The following CARM1 variants were observed in gnomAD, a reference collection of about 807,000 sequenced individuals.
CARM1 encodes coactivator associated arginine methyltransferase 1.
Under a neutral mutation model 72.7 loss-of-function variants are expected in CARM1, and 14 were observed. The observed-to-expected ratio is 0.19, with a 90% CI of 0.13 to 0.30. The LOEUF is 0.30. Ranked by LOEUF, CARM1 falls within the 10% of genes least tolerant of loss-of-function variation. The probability of loss-of-function intolerance (pLI) is 1.00; values close to 1 mark genes in which losing one functional copy is unlikely to be tolerated. For missense variants in CARM1, 432 were observed against 833.7 expected (o/e 0.52, Z 5.93); for synonymous variants, 333 against 345.5 (o/e 0.96, Z 0.40).
chr19:10,909,325 A>G, intron 4 of CARM1, 118 bp downstream of exon 4: 1 of 641,990 alleles, frequency 1.6e-6, no homozygotes, highest in Non-Finnish European at 2.7e-6. Flanking sequence ...CAGTTACTGC[A>G]GAGGCTGAGG....
rs1349303398 is a variant in CARM1 at position 10,871,776 on chromosome 19, C to G, written c.74C>G (p.Pro25Arg). The G allele has an allele frequency of 1.1e-5, 13 of 1,165,556 alleles. No homozygotes were observed. The highest frequency in any genetic ancestry group is 3.4e-5 in the South Asian group (1 of 29,786). 72.2% of individuals were successfully genotyped at this position (1,165,556 alleles called of 1,614,324 possible). The change falls in exon 1 of 16, where the codon CCC (proline) becomes CGC (arginine). Residue 25 changes from proline to arginine, a missense_variant. Pro to Arg is a moderately radical substitution (Grantham distance 103). Coordinates refer to ENST00000327064, the MANE Select transcript of CARM1 (RefSeq NM_199141.2). The surrounding 1 kb of genome is among the most constrained non-coding windows in gnomAD (Gnocchi z 5.6). ...TCGGCGGTCCCGGGCGGCGCGGGGC[C>G]CTGCGCTACCGTGTCGGTGTTCCCC... ...AGSAVPGGAG[P>R]CATVSVFPGA... is the part of the protein sequence containing the mutation.
At position 10,921,743 on chromosome 19, in the gene CARM1, C is replaced by A; in HGVS notation, c.1813C>A (p.His605Asn). Residue 605 changes from histidine (H) to asparagine (N), a missense_variant, in exon 16 of 16, where the codon CAC becomes AAC. By Grantham distance (68) the His-to-Asn change is moderately conservative. This residue lies in a region of CARM1 where 142 missense variants were observed against 188.7 expected (regional missense o/e 0.75). Transcript: ENST00000327064. ...SPMSIPTNTM[H>N]YGS ...CATGTCCATCCCGACCAACACCATG[C>A]ACTACGGGAGCTAGGGGCCCGCCCC... 6.2e-7 allele frequency: 1 copy of A among 1,606,930 alleles called. No individual in the cohort carries two copies. The highest frequency in any genetic ancestry group is 8.5e-7 in the Non-Finnish European group (1 of 1,175,538).
At chr19:10,917,476 CA>C (rs956842320) in intron 8 of CARM1, among the ~76,000 whole-genome samples, 25 of 149,320 alleles carry the variant, frequency 1.7e-4, no homozygotes, top group African/African-American at 5.2e-4. Context: ...GACTCCGTCT[CA>C]AAAAAAAAGA....
At position 10,920,591 on chromosome 19, in the gene CARM1, G is replaced by A. The variant is rs552647005; in HGVS notation, c.1334+18G>A. ...AACAAAAGGTGCGACTGCTCCCTGG[G>A]GCTGGTGGTGGTGGGCAGGGGTCCA... On this transcript the variant is annotated intron_variant, in intron 11 of 15. Transcript: ENST00000327064. The surrounding 1 kb of genome is among the most constrained non-coding windows in gnomAD (Gnocchi z 5.3). 20 of 1,613,788 alleles carry A rather than the reference G, an allele frequency of 1.2e-5. No homozygotes were observed. The highest frequency in any genetic ancestry group is 1.7e-5 in the Non-Finnish European group (20 of 1,179,862).
rs1326880259 is a variant in CARM1 at position 10,915,270 on chromosome 19, T to C, written c.848-1137T>C. 6.6e-6 allele frequency among the ~76,000 whole-genome samples: 1 copy of C among 151,908 alleles called. No individual in the cohort carries two copies. The highest frequency in any genetic ancestry group is 6.6e-5 in the Admixed American group (1 of 15,252). On this transcript the variant is annotated intron_variant, in intron 6 of 15. Coordinates refer to ENST00000327064, the MANE Select transcript of CARM1 (RefSeq NM_199141.2). The surrounding 1 kb of genome is among the most constrained non-coding windows in gnomAD (Gnocchi z 4.6). Reference sequence around the variant, plus strand: ...CTCTCCTCCCCTTCTGCCCTGATGGTGGGGATGGGGGTGGGGACAGCCCCA... The same window carrying C: ...CTCTCCTCCCCTTCTGCCCTGATGGCGGGGATGGGGGTGGGGACAGCCCCA...
chr19:10,891,538 C>T (rs1451501189), intron 1 of CARM1, among the ~76,000 whole-genome samples: 1 of 152,206 alleles, frequency 6.6e-6, no homozygotes, highest in Admixed American at 6.5e-5. Flanking sequence ...GTCCGCCAGC[C>T]TCCAGCTGGG....
intron 1 of CARM1, among the ~76,000 whole-genome samples, chr19:10,885,504 C>G (rs1156792480): frequency 1.3e-5 from 2 of 152,170 alleles, no homozygotes; most frequent in African/African-American, 4.8e-5. Context: ...GGTGCTACTC[C>G]TGGCGAGGAC....
rs755788031 is a variant in CARM1 at position 10,912,177 on chromosome 19, C to G, written c.559-7C>G. On this transcript the variant is annotated splice_polypyrimidine_tract_variant and splice_region_variant and intron_variant, in intron 4 of 15. Coordinates refer to ENST00000327064, the MANE Select transcript of CARM1 (RefSeq NM_199141.2). This position sits in a 1 kb window ranked among gnomAD's most constrained non-coding sequence, Gnocchi z 4.5. ...TGTCTCGCTCTCACCTCCCACTCCT[C>G]CCTCAGATCGTTCTTGATGTTGGCT... is the stretch of plus-strand genomic sequence containing the variant. 6.2e-7 allele frequency: 1 copy of G among 1,611,706 alleles called. No homozygotes were observed. Among genetic ancestry groups the G allele is most frequent in the Non-Finnish European group, 8.5e-7 (1 of 1,177,754 alleles).
chr19:10,915,625 G>A lies in CARM1; in HGVS notation c.848-782G>A, dbSNP rs375908877. On this transcript the variant is annotated intron_variant, in intron 6 of 15. Coordinates refer to ENST00000327064, the MANE Select transcript of CARM1 (RefSeq NM_199141.2). The surrounding 1 kb of genome is among the most constrained non-coding windows in gnomAD (Gnocchi z 4.6). The stretch of plus-strand genomic sequence containing the variant: ...CAGCAGCTGCAGCCCTGCAGCTCTC[G>A]CCTCGGGTACAGCCTGGTGGCGTAA... Among the ~76,000 whole-genome samples the A allele has an allele frequency of 2.0e-5, 3 of 152,076 alleles. No individual in the cohort carries two copies. The highest frequency in any genetic ancestry group is 7.2e-5 in the African/African-American group (3 of 41,420).
intron 2 of CARM1, among the ~76,000 whole-genome samples, chr19:10,906,708 G>T (rs1053033305): frequency 1.3e-5 from 2 of 150,688 alleles, no homozygotes; most frequent in African/African-American, 4.9e-5. Flanking sequence ...CAGGTAATCC[G>T]CCTGCCTCCG....
At position 10,905,087 on chromosome 19, in the gene CARM1, C is replaced by T; in HGVS notation, c.346+11C>T. The T allele has an allele frequency of 8.7e-6, 14 of 1,612,384 alleles. No homozygotes were observed. Among genetic ancestry groups the T allele is most frequent in the African/African-American group, 1.3e-5 (1 of 75,046 alleles). ...TCGCCACACCCAACGGTACGTGGCCCTCCTTCCATTCCGGTGACACCAGCC... is the reference window on the plus strand; with the variant it reads ...TCGCCACACCCAACGGTACGTGGCCTTCCTTCCATTCCGGTGACACCAGCC... On this transcript the variant is annotated intron_variant, in intron 2 of 15. Coordinates refer to ENST00000327064, the MANE Select transcript of CARM1 (RefSeq NM_199141.2).
At chr19:10,897,793 G>A (rs1242807731) in intron 1 of CARM1, among the ~76,000 whole-genome samples, 1 of 152,176 alleles carries the variant, frequency 6.6e-6, no homozygotes, top group African/African-American at 2.4e-5. Context: ...TTTGAGATCA[G>A]CCTGGTCAAC....
At chr19:10,876,714 G>C (rs905319240) in intron 1 of CARM1, among the ~76,000 whole-genome samples, 1 of 152,250 alleles carries the variant, frequency 6.6e-6, no homozygotes, top group Non-Finnish European at 1.5e-5. Flanking sequence ...GCCCTTTGGC[G>C]TGGGCTTCCT....
intron 1 of CARM1, among the ~76,000 whole-genome samples, chr19:10,883,555 T>A (rs1260652484): frequency 6.6e-6 from 1 of 152,150 alleles, no homozygotes; most frequent in Non-Finnish European, 1.5e-5. Flanking sequence ...CCCTGCCACT[T>A]CTTTGTTTGG....
At chr19:10,889,168 GC>G (rs764311611) in intron 1 of CARM1, among the ~76,000 whole-genome samples, 2 of 152,276 alleles carry the variant, frequency 1.3e-5, no homozygotes, top group East Asian at 3.9e-4. Flanking sequence ...AAGGGCAGCT[GC>G]CCCAAGTAGT....
intron 8 of CARM1, chr19:10,918,969 A>G (rs2074219228): frequency 6.6e-6 from 1 of 152,336 alleles, no homozygotes; most frequent in Non-Finnish European, 1.5e-5. Flanking sequence ...GGATATAAAC[A>G]TTGCTGGGAG....
At chr19:10,906,718 G>A (rs1017530068) in intron 2 of CARM1, among the ~76,000 whole-genome samples, 1 of 152,006 alleles carries the variant, frequency 6.6e-6, no homozygotes, top group African/African-American at 2.4e-5. Flanking sequence ...GCCTGCCTCC[G>A]CCTCCCAAAG....
chr19:10,893,256 C>G (rs914438845), intron 1 of CARM1, among the ~76,000 whole-genome samples: 1 of 152,020 alleles, frequency 6.6e-6, no homozygotes, highest in Admixed American at 6.6e-5. Flanking sequence ...AGGCTGGTCT[C>G]GAGCTCCTGA....
rs546854333 is a variant in CARM1, at chr19:10,909,310, T to C, written c.558+103T>C. 3.5e-3 allele frequency: 2,579 copies of C among 733,088 alleles called. 68 individuals carry two copies. The South Asian group carries it at 0.041, about 12-fold the overall frequency. 45.4% of individuals were successfully genotyped at this position (733,088 alleles called of 1,614,324 possible). A position where few individuals can be genotyped will look rare whatever the true frequency, so the allele number is the denominator to read the frequency against. On this transcript the variant is annotated intron_variant, in intron 4 of 15. Transcript: ENST00000327064. Reference sequence around the variant, plus strand: ...AATTTTCTCAGATTAGAAATGCATTTATCTCAGTTACTGCAGAGGCTGAGG... The same window carrying C: ...AATTTTCTCAGATTAGAAATGCATTCATCTCAGTTACTGCAGAGGCTGAGG...
Sources: allele counts gnomAD v4.1 joint callset (sites outside exome capture counted in the v4.1 genomes callset), GRCh38; gene constraint gnomAD v4.1.1; regional missense constraint gnomAD v4.1.1; non-coding constraint Gnocchi (gnomAD v3.1); transcripts MANE v1.5; gene names NCBI Gene and HGNC (gene_info 2026-07-23, HGNC 2026-07-21).